Variants in COL6A1 observed in about 807,000 individuals in gnomAD.
The protein encoded by COL6A1 is collagen alpha-1(VI) chain.
Under a neutral mutation model 145.6 loss-of-function variants are expected in COL6A1, and 80 were observed. The ratio of observed to expected loss-of-function variants is 0.55; its 90% confidence interval spans 0.46 to 0.66. The LOEUF (loss-of-function observed/expected upper bound fraction) is 0.66. COL6A1 is among the 30% of genes least tolerant of loss of function. The pLI is 0.00. For synonymous variants in COL6A1, 638 were observed against 622.8 expected, an observed-to-expected ratio of 1.02 and a Z score of -0.36; for missense variants, 1,364 against 1,473.8, an observed-to-expected ratio of 0.93 and a Z score of 1.22.
Position 45,997,873 on chromosome 21 carries a change from T to C in COL6A1, c.1524+111T>C, listed in dbSNP as rs1385857568. The C allele has an allele frequency of 6.3e-6, 8 of 1,262,742 alleles. No individual in the cohort carries two copies. The Admixed American group carries it at 9.2e-5, about 14-fold the overall frequency. The allele number at this position is 1,262,742 out of a possible 1,614,324, so 78.2% of individuals were successfully genotyped here. ...CTGGGGTCCCTGACCGGGCCGGGAG[T>C]GCCCGCAGCATCACTGGCTCCTGGC... is the stretch of plus-strand genomic sequence containing the variant. On this transcript the variant is annotated intron_variant, in intron 22 of 34. Transcript: ENST00000361866.
intron 1 of COL6A1, among the ~76,000 whole-genome samples, chr21:45,982,167 C>T (rs1021463640): frequency 6.6e-6 from 1 of 152,276 alleles, no homozygotes; most frequent in African/African-American, 2.4e-5. Flanking sequence ...TCAGCGGGGC[C>T]GGACCGCAGG....
At chr21:45,982,547 C>A in intron 1 of COL6A1, 87 bp from the exon 2 acceptor site, 9 of 1,589,238 alleles carry the variant, frequency 5.7e-6, no homozygotes, top group South Asian at 2.2e-5. Context: ...GTGCTGCAGG[C>A]GCTGGGCTGG....
intron 24 of COL6A1, 57 bp from the exon 25 acceptor site, chr21:45,998,840 C>T (rs1337886196): frequency 1.6e-5 from 25 of 1,530,278 alleles, no homozygotes; most frequent in Non-Finnish European, 2.2e-5. Flanking sequence ...TTAAAATTTC[C>T]ACTTCCTAAA....
At chr21:46,002,811 G>A in intron 33 of COL6A1, 101 bp downstream of exon 33, 1 of 1,389,690 alleles carries the variant, frequency 7.2e-7, no homozygotes, top group Non-Finnish European at 9.9e-7. Flanking sequence ...GGCCGCCCGG[G>A]CAGTCCCAGA....
chr21:45,999,363 G>T lies in COL6A1; in HGVS notation c.1740+145G>T, dbSNP rs13048481. On this transcript the variant is annotated intron_variant, in intron 26 of 34. Transcript: ENST00000361866. Reference sequence around the variant, plus strand: ...GCACGTCATCTGGGAGGCCCTGGGGGTGGGAGGTGCCGGTCACCAGGGCCA... The same window carrying T: ...GCACGTCATCTGGGAGGCCCTGGGGTTGGGAGGTGCCGGTCACCAGGGCCA... 242,675 of 874,436 alleles carry T rather than the reference G, an allele frequency of 0.28. 35,335 individuals are homozygous for T. The highest frequency in any genetic ancestry group is 0.4 in the African/African-American group (23,930 of 60,062). The allele number at this position is 874,436 out of a possible 1,614,324, so 54.2% of individuals were successfully genotyped here.
chr21:45,997,894 C>T, intron 22 of COL6A1, 132 bp downstream of exon 22: 2 of 1,161,606 alleles, frequency 1.7e-6, no homozygotes, highest in East Asian at 2.6e-5. Flanking sequence ...TCACTGGCTC[C>T]TGGCCACAGT....
chr21:45,985,715 G>GC (rs1480051180), intron 3 of COL6A1, among the ~76,000 whole-genome samples: 1 of 152,214 alleles, frequency 6.6e-6, no homozygotes, highest in African/African-American at 2.4e-5. Context: ...GTCCAGCCAG[G>GC]CGGTGCGGGG....
chr21:46,004,227 T>C lies in COL6A1; in HGVS notation c.*214T>C. 1 of 640,010 alleles carries C rather than the reference T, an allele frequency of 1.6e-6. No individual in the cohort carries two copies. The highest frequency in any genetic ancestry group is 2.7e-6 in the Non-Finnish European group (1 of 373,744). The allele number at this position is 640,010 out of a possible 1,614,324, so 39.6% of individuals were successfully genotyped here. ...AGTTGGCATCACCTGCGCAGGGCCC[T>C]CTGGGGCTCAGCCCTGAGCTAGTGT... is the stretch of plus-strand genomic sequence containing the variant. On this transcript the variant is annotated 3_prime_UTR_variant, in exon 35 of 35. Transcript: ENST00000361866.
chr21:46,000,762 G>T lies in COL6A1; in HGVS notation c.1817G>T (p.Cys606Phe), dbSNP rs368925441. The change falls in exon 29 of 35, where the codon TGC becomes TTC. Residue 606 changes from cysteine to phenylalanine, a missense_variant. Cys to Phe is a radical substitution (Grantham distance 205, BLOSUM62 -2). Coordinates refer to ENST00000361866, the MANE Select transcript of COL6A1 (RefSeq NM_001848.3). ...TGACTCTTTCTCTTCTCCTCAGCTTGCTGTGGTGAGACCCAGGCTCTAGCT... is the reference window on the plus strand; with the variant it reads ...TGACTCTTTCTCTTCTCCTCAGCTTTCTGTGGTGAGACCCAGGCTCTAGCT... ...ILDIIMKMCS[C>F]CECKCGPIDL... 50 of 1,613,872 alleles carry T rather than the reference G, an allele frequency of 3.1e-5. No homozygotes were observed. Among genetic ancestry groups the T allele is most frequent in the Non-Finnish European group, 4.2e-5 (49 of 1,179,930 alleles).
At chr21:46,002,985 C>T in intron 33 of COL6A1, 135 bp from the exon 34 acceptor site, 4 of 1,326,324 alleles carry the variant, frequency 3.0e-6, no homozygotes, top group Non-Finnish European at 4.3e-6. Context: ...GTCCCACAGG[C>T]ATCCTCCTCC....
At position 45,987,616 on chromosome 21, in the gene COL6A1, A is replaced by C; in HGVS notation, c.766A>C (p.Arg256=). ...VCCSFECQPA[R]GPPGLRGDPG... Reference sequence around the variant, plus strand: ...CGTCCCCTCTGCCTTGCAGCCTGCAAGAGGACCTCCGGGGCTCCGGGGCGA... The same window carrying C: ...CGTCCCCTCTGCCTTGCAGCCTGCACGAGGACCTCCGGGGCTCCGGGGCGA... Residue 256 remains arginine, a synonymous_variant, in exon 8 of 35, where the codon AGA becomes CGA. Coordinates refer to ENST00000361866, the MANE Select transcript of COL6A1 (RefSeq NM_001848.3). The C allele has an allele frequency of 6.2e-7, 1 of 1,612,130 alleles. No homozygotes were observed. Among genetic ancestry groups the C allele is most frequent in the African/African-American group, 1.3e-5 (1 of 75,048 alleles).
In COL6A1 at chr21:46,002,330, A is replaced by G; in HGVS notation, c.2179A>G (p.Ile727Val). 6.3e-7 allele frequency: 1 copy of G among 1,592,650 alleles called. No homozygotes were observed. Among genetic ancestry groups the G allele is most frequent in the Non-Finnish European group, 8.5e-7 (1 of 1,170,752 alleles). The change falls in exon 32 of 35, where the codon ATC becomes GTC. Residue 727 changes from isoleucine to valine, a missense_variant. Transcript: ENST00000361866. ...CCCGAACAACCGCATCGCCCTGGTC[A>G]TCACTGACGGGCGCTCAGACACTCA... ...PSPNNRIALV[I>V]TDGRSDTQRD...
chr21:45,985,786 G>A (rs754387754), intron 3 of COL6A1, among the ~76,000 whole-genome samples: 4 of 152,338 alleles, frequency 2.6e-5, no homozygotes, highest in Admixed American at 2.0e-4. Flanking sequence ...GGTGTGGGCC[G>A]GACATTCCCT....
chr21:45,990,206 C>CCT (rs2123471811), intron 11 of COL6A1, 52 bp from the exon 12 acceptor site: 1 of 1,609,566 alleles, frequency 6.2e-7, no homozygotes, highest in South Asian at 1.1e-5. Flanking sequence ...CCAGGCTTGC[C>CCT]CTGCCCTCCC....
rs2077865006 is a variant in COL6A1, at chr21:46,003,887, C to T, written c.2961C>T (p.Val987=). Residue 987 remains valine (V), a synonymous_variant, in exon 35 of 35, where the codon GTC becomes GTT. Coordinates refer to ENST00000361866, the MANE Select transcript of COL6A1 (RefSeq NM_001848.3). ...QVNEPHIRVL[V]TGKTAEYDVA... ...ATGAGCCCCACATCCGCGTCCTGGT[C>T]ACCGGCAAGACGGCCGAGTACGACG... The T allele has an allele frequency of 1.9e-6, 3 of 1,601,594 alleles. No homozygotes were observed. Among genetic ancestry groups the T allele is most frequent in the Non-Finnish European group, 2.6e-6 (3 of 1,171,514 alleles).
intron 29 of COL6A1, 22 bp from the exon 30 acceptor site, chr21:46,001,231 C>T (rs1319201538): frequency 6.3e-7 from 1 of 1,598,432 alleles, no homozygotes. Flanking sequence ...GCGTGCTCTG[C>T]TGACACCGCC....
Position 45,986,969 on chromosome 21 carries a change from C to T in COL6A1, c.614C>T (p.Thr205Met), listed in dbSNP as rs1343618467. ...GAGCCGCGTCTGAGCATCATCGCCA[C>T]GGACCACACGTACCGGCGCAACTTC... ...HLEPRLSIIA[T>M]DHTYRRNFTA... The change falls in exon 5 of 35, where the codon ACG becomes ATG. Residue 205 changes from threonine to methionine, a missense_variant. By Grantham distance (81) the Thr-to-Met change is moderately conservative (BLOSUM62 -1). This residue lies in a region of COL6A1 where 414 missense variants were observed against 437.6 expected (regional missense o/e 0.95). Transcript: ENST00000361866. 28 of 1,552,232 alleles carry T rather than the reference C, an allele frequency of 1.8e-5. No homozygotes were observed. The highest frequency in any genetic ancestry group is 2.3e-5 in the Non-Finnish European group (26 of 1,150,064).
chr21:45,987,618 A>AGGACCTCC lies in COL6A1; in HGVS notation c.771_778dup (p.Gly260AspfsTer44). 1 of 1,612,016 alleles carries AGGACCTCC rather than the reference A, an allele frequency of 6.2e-7. No homozygotes were observed. Among genetic ancestry groups the AGGACCTCC allele is most frequent in the Non-Finnish European group, 8.5e-7 (1 of 1,179,704 alleles). On this transcript the variant is annotated frameshift_variant, in exon 8 of 35. Coordinates refer to ENST00000361866, the MANE Select transcript of COL6A1 (RefSeq NM_001848.3). LOFTEE classifies it high-confidence loss of function. ...TCCCCTCTGCCTTGCAGCCTGCAAG[A>AGGACCTCC]GGACCTCCGGGGCTCCGGGGCGACC... is the stretch of plus-strand genomic sequence containing the variant.
At chr21:46,001,050 C>A in intron 29 of COL6A1, 1 of 772,556 alleles carries the variant, frequency 1.3e-6, no homozygotes, top group Non-Finnish European at 2.1e-6. Flanking sequence ...CCTGGCTGAG[C>A]AACGCCAGCC....
Sources: allele counts gnomAD v4.1 joint callset (sites outside exome capture counted in the v4.1 genomes callset), GRCh38; gene constraint gnomAD v4.1.1; regional missense constraint gnomAD v4.1.1; transcripts MANE v1.5; gene names NCBI Gene and HGNC (gene_info 2026-07-23, HGNC 2026-07-21).